The following ITGA2 variants were observed in gnomAD, a reference collection of about 807,000 sequenced individuals.
The protein encoded by ITGA2 is integrin subunit alpha 2.
ITGA2 carries 101 observed loss-of-function variants against 146.3 expected under a neutral mutation model. The ratio of observed to expected loss-of-function variants is 0.69; its 90% CI spans 0.59 to 0.81. ITGA2 has a LOEUF of 0.81. Ranked by LOEUF, ITGA2 falls within the 40% of genes least tolerant of loss-of-function variation. ITGA2 has a pLI of 0.00. For synonymous variants in ITGA2, 477 were observed against 487.1 expected (o/e 0.98, Z 0.27); for missense variants, 1,281 against 1,402.7 (o/e 0.91, Z 1.39).
At chr5:53,044,865 A>G (rs1561117559) in intron 3 of ITGA2, 136 bp from the exon 4 acceptor site, 1 of 693,022 alleles carries the variant, frequency 1.4e-6, no homozygotes, top group East Asian at 2.7e-5. Flanking sequence ...ACACTTCATT[A>G]TATAACTCAA....
chr5:53,030,403 A>T (rs951628473), intron 2 of ITGA2, among the ~76,000 whole-genome samples: 1 of 152,112 alleles, frequency 6.6e-6, no homozygotes, highest in Admixed American at 6.5e-5. Context: ...AGGGCTTTGA[A>T]CTCCAGTATA....
Position 53,051,862 on chromosome 5 carries a change from T to C in ITGA2, c.779+303T>C, listed in dbSNP as rs3212680. ...ATTAAAACAGTAGGAAATGGGGCAA[T>C]CTGTCATAATTTGTTAATATTCATC... is the stretch of plus-strand genomic sequence containing the variant. On this transcript the variant is annotated intron_variant, in intron 7 of 29. Transcript: ENST00000296585. Among the ~76,000 whole-genome samples, 708 of 152,258 alleles carry C rather than the reference T, an allele frequency of 4.6e-3. 1 individual carries two copies. The highest frequency in any genetic ancestry group is 0.01 in the Middle Eastern group (3 of 294).
intron 23 of ITGA2, among the ~76,000 whole-genome samples, chr5:53,075,970 G>A (rs902278988): frequency 2.0e-5 from 3 of 152,024 alleles, no homozygotes; most frequent in Non-Finnish European, 4.4e-5. Flanking sequence ...TGGTGTAAAT[G>A]TCACTGGTTG....
intron 12 of ITGA2, among the ~76,000 whole-genome samples, chr5:53,062,411 C>T (rs1035932340): frequency 1.2e-4 from 18 of 151,908 alleles, no homozygotes; most frequent in African/African-American, 3.9e-4. Flanking sequence ...ACCTCACATA[C>T]CTACAAAAGG....
chr5:53,050,243 A>G (rs982826685), intron 6 of ITGA2, among the ~76,000 whole-genome samples: 1 of 152,118 alleles, frequency 6.6e-6, no homozygotes, highest in African/African-American at 2.4e-5. Context: ...ATTCCTCTCT[A>G]GAAGTGGTTT....
chr5:53,077,418 T>G (rs1327921792), intron 23 of ITGA2, among the ~76,000 whole-genome samples: 2 of 152,076 alleles, frequency 1.3e-5, no homozygotes, highest in African/African-American at 2.4e-5. Flanking sequence ...GATAATAGTA[T>G]TATTTCTGAA....
chr5:53,054,921 A>C (rs1051716443), intron 7 of ITGA2, among the ~76,000 whole-genome samples: 1 of 152,022 alleles, frequency 6.6e-6, no homozygotes, highest in Non-Finnish European at 1.5e-5. Context: ...GTTCCCCAAA[A>C]ACCTATGGAA....
intron 9 of ITGA2, among the ~76,000 whole-genome samples, chr5:53,056,431 TA>T (rs1744638012): frequency 6.6e-6 from 1 of 152,020 alleles, no homozygotes; most frequent in Non-Finnish European, 1.5e-5. Flanking sequence ...ATGTTTTGCC[TA>T]AAAGATGACA....
rs749657224 is a variant in ITGA2, at chr5:53,051,567, T to C, written c.779+8T>C. On this transcript the variant is annotated splice_region_variant and intron_variant, in intron 7 of 29. Coordinates refer to ENST00000296585, the MANE Select transcript of ITGA2 (RefSeq NM_002203.4). ...AGCAATTCAATATGCAAGGTAAGTT[T>C]TGGTGCTAATAGGCCAATGTTTTCA... 5.0e-6 allele frequency: 8 copies of C among 1,612,530 alleles called. No homozygotes were observed. Among genetic ancestry groups the C allele is most frequent in the Admixed American group, 1.7e-5 (1 of 59,964 alleles).
At chr5:53,074,287 C>T (rs555164600) in intron 20 of ITGA2, 98 bp from the exon 21 acceptor site, 55 of 897,700 alleles carry the variant, frequency 6.1e-5, no homozygotes, top group Non-Finnish European at 9.8e-5. Flanking sequence ...ACCAACCTTA[C>T]TGCTAAAATG....
intron 10 of ITGA2, among the ~76,000 whole-genome samples, chr5:53,058,728 A>G (rs1036758211): frequency 6.6e-6 from 1 of 151,956 alleles, no homozygotes; most frequent in African/African-American, 2.4e-5. Context: ...GAACAGTAGG[A>G]AATCCCAGGA....
chr5:53,008,736 G>A (rs1341739827), intron 1 of ITGA2, among the ~76,000 whole-genome samples: 2 of 151,994 alleles, frequency 1.3e-5, no homozygotes, highest in Admixed American at 6.6e-5. Context: ...CAAGATTTCC[G>A]TGAACTCCCA....
At chr5:53,002,588 A>G (rs1741636710) in intron 1 of ITGA2, among the ~76,000 whole-genome samples, 2 of 152,112 alleles carry the variant, frequency 1.3e-5, no homozygotes, top group African/African-American at 4.8e-5. Flanking sequence ...ATGGTTAACT[A>G]TTGTCCCATT....
chr5:53,067,976 A>C (rs1186878511), intron 16 of ITGA2, among the ~76,000 whole-genome samples: 1 of 151,900 alleles, frequency 6.6e-6, no homozygotes, highest in Non-Finnish European at 1.5e-5. Flanking sequence ...ACCATGCTCA[A>C]TGCATAGCTT....
intron 2 of ITGA2, among the ~76,000 whole-genome samples, chr5:53,034,821 AC>A (rs1279254924): frequency 6.6e-6 from 1 of 152,182 alleles, no homozygotes; most frequent in African/African-American, 2.4e-5. Flanking sequence ...CTATTTATTA[AC>A]TTGCTGTGCC....
In ITGA2 at chr5:53,090,621, G is replaced by A. The variant is rs780079205; in HGVS notation, c.*22G>A. On this transcript the variant is annotated 3_prime_UTR_variant, in exon 30 of 30. Transcript: ENST00000296585. ...CTGAACCAGCAGACCTACCTGCAGT[G>A]GGAACCGGCAGCATCCCAGCCAGGG... is the stretch of plus-strand genomic sequence containing the variant. 6.3e-7 allele frequency: 1 copy of A among 1,589,398 alleles called. No individual in the cohort carries two copies. The highest frequency in any genetic ancestry group is 1.7e-5 in the Admixed American group (1 of 59,986).
intron 4 of ITGA2, among the ~76,000 whole-genome samples, chr5:53,045,529 C>CA (rs1561118317): frequency 6.6e-6 from 1 of 152,114 alleles, no homozygotes; most frequent in African/African-American, 2.4e-5. Context: ...TGTCAGTGCT[C>CA]ACTTTCATTT....
intron 13 of ITGA2, among the ~76,000 whole-genome samples, 196 bp from the exon 14 acceptor site, chr5:53,064,716 C>T (rs1745066052): frequency 6.6e-6 from 1 of 151,708 alleles, no homozygotes; most frequent in South Asian, 2.1e-4. Flanking sequence ...TAACTTTTTA[C>T]AAAAATGTTT....
At chr5:53,081,500 C>G in intron 25 of ITGA2, 92 bp from the exon 26 acceptor site, 1 of 994,874 alleles carries the variant, frequency 1.0e-6, no homozygotes, top group Non-Finnish European at 1.6e-6. Flanking sequence ...TCCCAGACCC[C>G]TACAAGTGAC....
Sources: allele counts gnomAD v4.1 joint callset (sites outside exome capture counted in the v4.1 genomes callset), GRCh38; gene constraint gnomAD v4.1.1; transcripts MANE v1.5; gene names NCBI Gene and HGNC (gene_info 2026-07-23, HGNC 2026-07-21).